The following ROBO2 variants were observed in gnomAD, a reference collection of about 807,000 sequenced individuals.
The protein encoded by ROBO2 is roundabout homolog 2.
In ROBO2, 53 loss-of-function variants were observed where a neutral mutation model predicts 160.8. The observed-to-expected ratio is 0.33, with a 90% CI of 0.26 to 0.41. The LOEUF (loss-of-function observed/expected upper bound fraction) is 0.41. Among genes scored for constraint, ROBO2 ranks in the 10% least tolerant of loss-of-function variants. The pLI is 1.00. For synonymous variants in ROBO2, 664 were observed against 611.7 expected (o/e 1.09, Z -1.26); for missense variants, 1,577 against 1,722.4 (o/e 0.92, Z 1.49).
At chr3:76,398,614 G>T (rs1473009497) in intron 2 of ROBO2, among the ~76,000 whole-genome samples, 1 of 151,654 alleles carries the variant, frequency 6.6e-6, no homozygotes, top group Non-Finnish European at 1.5e-5. Flanking sequence ...CCTCTAGGCA[G>T]TATACACTAA....
At chr3:77,156,517 T>C (rs2078022662) in intron 2 of ROBO2, among the ~76,000 whole-genome samples, 1 of 151,980 alleles carries the variant, frequency 6.6e-6, no homozygotes, top group South Asian at 2.1e-4. Context: ...TATTTGAAAT[T>C]CAGTGGGAGG....
intron 2 of ROBO2, among the ~76,000 whole-genome samples, chr3:77,216,703 C>T (rs561498147): frequency 1.3e-4 from 20 of 152,306 alleles, no homozygotes; most frequent in East Asian, 3.9e-4. Flanking sequence ...TGTTCCTATT[C>T]GGCCATCTTG....
intron 2 of ROBO2, among the ~76,000 whole-genome samples, chr3:77,237,682 A>T (rs1365400995): frequency 1.3e-5 from 2 of 152,328 alleles, no homozygotes. Flanking sequence ...CAACATTATG[A>T]ATAAAGCTGC....
chr3:76,029,956 G>A (rs1024773337), intron 2 of ROBO2, among the ~76,000 whole-genome samples: 2 of 152,262 alleles, frequency 1.3e-5, no homozygotes, highest in Middle Eastern at 3.4e-3. Flanking sequence ...CTTCCACAAT[G>A]GTTGAACTAG....
At chr3:76,398,208 A>G (rs1414714609) in intron 2 of ROBO2, among the ~76,000 whole-genome samples, 1 of 152,034 alleles carries the variant, frequency 6.6e-6, no homozygotes, top group African/African-American at 2.4e-5. Flanking sequence ...CATCATTTTC[A>G]GTAAACTATC....
At chr3:76,683,464 A>G (rs111571340) in intron 2 of ROBO2, among the ~76,000 whole-genome samples, 5 of 27,934 alleles carry the variant, frequency 1.8e-4, no homozygotes, top group Non-Finnish European at 2.8e-4. Context: ...ACCCCCACCG[A>G]AAAAAAAAAA....
At chr3:76,704,811 G>A (rs2093125684) in intron 2 of ROBO2, among the ~76,000 whole-genome samples, 1 of 152,078 alleles carries the variant, frequency 6.6e-6, no homozygotes, top group African/African-American at 2.4e-5. Context: ...CTCTCTAGAA[G>A]ACTCAAGACA....
At chr3:76,782,636 C>T (rs573603860) in intron 2 of ROBO2, among the ~76,000 whole-genome samples, 1 of 150,638 alleles carries the variant, frequency 6.6e-6, no homozygotes, top group East Asian at 2.0e-4. Context: ...TAATAACTTT[C>T]TTTGTCCCAT....
In ROBO2 at chr3:77,223,463, C is replaced by T. The variant is rs2086090282; in HGVS notation, c.388+125123C>T. Among the ~76,000 whole-genome samples, 3 of 152,026 alleles carry T rather than the reference C, an allele frequency of 2.0e-5. No homozygotes were observed. The South Asian group carries it at 6.2e-4, about 31-fold the overall frequency. On this transcript the variant is annotated intron_variant, in intron 2 of 25. Transcript: ENST00000461745. ...ATGCACATTTAATGTCAGTTTGCTT[C>T]CTTGAAATTTAGACCCACATTCCCC...
intron 2 of ROBO2, among the ~76,000 whole-genome samples, chr3:76,264,269 C>T (rs545882799): frequency 7.3e-5 from 11 of 150,730 alleles, no homozygotes; most frequent in Non-Finnish European, 1.0e-4. Context: ...ATATTAGTTA[C>T]GCCATAATTA....
intron 1 of ROBO2, among the ~76,000 whole-genome samples, chr3:75,909,835 C>T (rs931478248): frequency 2.0e-5 from 3 of 152,290 alleles, no homozygotes; most frequent in African/African-American, 7.2e-5. Flanking sequence ...AGAGAGATGA[C>T]ATTTTATCCC....
intron 21 of ROBO2, among the ~76,000 whole-genome samples, chr3:77,615,693 T>C (rs931433098): frequency 6.6e-6 from 1 of 152,220 alleles, no homozygotes; most frequent in African/African-American, 2.4e-5. Context: ...ACGAATAATA[T>C]TCCATTGCAT....
At chr3:77,472,187 T>G (rs2083425061) in intron 2 of ROBO2, among the ~76,000 whole-genome samples, 1 of 152,110 alleles carries the variant, frequency 6.6e-6, no homozygotes, top group South Asian at 2.1e-4. Context: ...TCCTACCACT[T>G]TGTAACATTC....
intron 21 of ROBO2, among the ~76,000 whole-genome samples, chr3:77,608,900 A>T (rs1378232023): frequency 6.6e-6 from 1 of 151,832 alleles, no homozygotes; most frequent in South Asian, 2.1e-4. Context: ...GGCTTAAAAA[A>T]TCACATATAC....
At chr3:76,970,807 T>A (rs2059536151) in intron 2 of ROBO2, among the ~76,000 whole-genome samples, 1 of 152,186 alleles carries the variant, frequency 6.6e-6, no homozygotes, top group African/African-American at 2.4e-5. Flanking sequence ...ATATTAACAC[T>A]TATGTGTTAA....
chr3:76,946,040 T>C (rs1014942730), intron 2 of ROBO2, among the ~76,000 whole-genome samples: 3 of 152,346 alleles, frequency 2.0e-5, no homozygotes, highest in Non-Finnish European at 4.4e-5. Flanking sequence ...TTTGTAGTCG[T>C]ATAAATATTC....
chr3:75,944,507 C>A (rs1948195206), intron 2 of ROBO2, among the ~76,000 whole-genome samples: 2 of 152,054 alleles, frequency 1.3e-5, no homozygotes, highest in South Asian at 4.1e-4. Flanking sequence ...AACTGAGATT[C>A]CAAGGACTTA....
At chr3:77,594,989 C>T (rs1158397863) in intron 17 of ROBO2, among the ~76,000 whole-genome samples, 153 bp from the exon 19 acceptor site, 2 of 152,160 alleles carry the variant, frequency 1.3e-5, no homozygotes, top group Non-Finnish European at 2.9e-5. Flanking sequence ...CAAACCACTG[C>T]TTGTTACTCT....
At chr3:76,056,480 T>A (rs1372853728) in intron 2 of ROBO2, among the ~76,000 whole-genome samples, 1 of 152,088 alleles carries the variant, frequency 6.6e-6, no homozygotes, top group Non-Finnish European at 1.5e-5. Context: ...AACTACATGT[T>A]CTAAAAGGGT....
Sources: gnomAD v4.1 joint callset for allele counts (sites outside exome capture counted in the v4.1 genomes callset) on GRCh38, gnomAD v4.1.1 for gene constraint, MANE v1.5 for transcripts, NCBI Gene and HGNC (gene_info 2026-07-23, HGNC 2026-07-21) for gene names.